Variants in MADD observed in about 807,000 individuals in gnomAD.
The protein encoded by MADD is MAP kinase activating death domain.
In MADD, 109 loss-of-function variants were observed where a neutral mutation model predicts 176.7. The observed-to-expected ratio is 0.62, with a 90% CI of 0.53 to 0.72. The LOEUF (loss-of-function observed/expected upper bound fraction) is 0.72, where lower values mean the gene tolerates loss of function less well. Ranked by LOEUF, MADD falls within the 30% of genes least tolerant of loss-of-function variation. The pLI is 0.00. For missense variants in MADD, 1,914 were observed against 2,045.5 expected, an observed-to-expected ratio of 0.94 and a Z score of 1.24; for synonymous variants, 771 against 771.3, an observed-to-expected ratio of 1.00 and a Z score of 0.01.
intron 27 of MADD, among the ~76,000 whole-genome samples, chr11:47,323,331 G>A (rs931737206): frequency 1.3e-5 from 2 of 151,490 alleles, no homozygotes; most frequent in South Asian, 2.1e-4. Context: ...CTGGCTGGTC[G>A]AGGCTGCAGT....
At chr11:47,279,621 C>T (rs1043759391) in intron 7 of MADD, among the ~76,000 whole-genome samples, 7 of 151,752 alleles carry the variant, frequency 4.6e-5, no homozygotes, top group African/African-American at 1.2e-4. Context: ...CCTCATGATC[C>T]GCCTGCCTCA....
At chr11:47,295,373 G>T in intron 20 of MADD, 123 bp from the exon 23 acceptor site, 1 of 726,410 alleles carries the variant, frequency 1.4e-6, no homozygotes, top group South Asian at 1.8e-5. Context: ...AAAGTTGCTC[G>T]TGACTTCTCT....
intron 9 of MADD, 46 bp downstream of exon 9, chr11:47,282,662 C>T (rs1350564667): frequency 1.2e-6 from 2 of 1,600,172 alleles, no homozygotes; most frequent in South Asian, 1.1e-5. Context: ...TGCCTCTGTC[C>T]TCCTGATGGA....
At chr11:47,327,547 G>C in intron 31 of MADD, 1 of 985,286 alleles carries the variant, frequency 1.0e-6, no homozygotes. Flanking sequence ...CTGCCAGCTC[G>C]TCTCTTCCTT....
At chr11:47,278,884 G>A (rs1243210416) in intron 6 of MADD, 115 bp from the exon 7 acceptor site, 1 of 756,338 alleles carries the variant, frequency 1.3e-6, no homozygotes, top group Non-Finnish European at 2.2e-6. Context: ...GTTATATAAT[G>A]TATATTCGTT....
chr11:47,316,727 C>T (rs569826154), intron 27 of MADD, among the ~76,000 whole-genome samples: 1 of 151,972 alleles, frequency 6.6e-6, no homozygotes, highest in South Asian at 2.1e-4. Flanking sequence ...AATATGAACA[C>T]AAATTCTTAT....
chr11:47,322,654 A>G (rs985271499), intron 27 of MADD, among the ~76,000 whole-genome samples: 5 of 152,188 alleles, frequency 3.3e-5, no homozygotes, highest in Non-Finnish European at 4.4e-5. Flanking sequence ...AATGTTGAAC[A>G]AGAAGGTGTC....
At chr11:47,312,622 G>C (rs1381287919) in intron 26 of MADD, among the ~76,000 whole-genome samples, 1 of 152,178 alleles carries the variant, frequency 6.6e-6, no homozygotes, top group African/African-American at 2.4e-5. Flanking sequence ...TTTCAGTAGA[G>C]ATGGGCATTC....
At chr11:47,289,139 C>T (rs2063140822) in intron 15 of MADD, 112 bp downstream of exon 16, 2 of 1,107,856 alleles carry the variant, frequency 1.8e-6, no homozygotes, top group South Asian at 1.5e-5. Context: ...GAGTGACCTG[C>T]TTGCCCCGTC....
At chr11:47,293,111 G>T (rs1399244339) in intron 19 of MADD, among the ~76,000 whole-genome samples, 1 of 152,076 alleles carries the variant, frequency 6.6e-6, no homozygotes, top group Non-Finnish European at 1.5e-5. Context: ...TTGTAGGATG[G>T]AGGTAGGCAG....
intron 1 of MADD, chr11:47,272,243 C>G (rs898800674): frequency 6.6e-6 from 1 of 152,024 alleles, no homozygotes; most frequent in African/African-American, 2.4e-5. Context: ...GCCAGAGTCG[C>G]TATAGAGATA....
At chr11:47,290,260 G>A in exon 18 of MADD, 1 of 1,614,096 alleles carries the variant, frequency 6.2e-7, no homozygotes, top group Non-Finnish European at 8.5e-7. Context: ...CAGCATCTTT[G>A]GGCTTTTGGA....
At chr11:47,327,627 G>A in intron 31 of MADD, 1 of 985,320 alleles carries the variant, frequency 1.0e-6, no homozygotes, top group Non-Finnish European at 1.2e-6. Context: ...TCCTCCCCGT[G>A]TGTTCCCTTC....
At chr11:47,280,738 T>A (rs1412676101) in intron 7 of MADD, among the ~76,000 whole-genome samples, 1 of 152,150 alleles carries the variant, frequency 6.6e-6, no homozygotes, top group East Asian at 1.9e-4. Context: ...CTAATTTGTT[T>A]GTATTTTTAG....
intron 31 of MADD, 142 bp downstream of exon 35, chr11:47,326,949 G>T: frequency 6.9e-7 from 1 of 1,448,218 alleles, no homozygotes; most frequent in Non-Finnish European, 9.1e-7. Flanking sequence ...AGGAAGAAAA[G>T]GGACCCCTGA....
At position 47,275,886 on chromosome 11, in the gene MADD, G is replaced by C; in HGVS notation, c.660-13G>C. The C allele has an allele frequency of 6.3e-7, 1 of 1,596,874 alleles. No individual in the cohort carries two copies. Among genetic ancestry groups the C allele is most frequent in the Non-Finnish European group, 8.6e-7 (1 of 1,167,316 alleles). On this transcript the variant is annotated splice_polypyrimidine_tract_variant and intron_variant, in intron 3 of 32. Coordinates refer to ENST00000402192, the Ensembl canonical transcript of MADD. ...GATGCTAATGTGTCTGATTCCTGCT[G>C]TCTGCTTCTCAGGGACACCATGTGG...
chr11:47,327,649 A>G, intron 31 of MADD: 2 of 985,296 alleles, frequency 2.0e-6, no homozygotes, highest in Non-Finnish European at 2.4e-6. Context: ...CTCTTCTGTC[A>G]GAGAGATACT....
intron 22 of MADD, among the ~76,000 whole-genome samples, chr11:47,297,827 C>T (rs2066756024): frequency 7.6e-6 from 1 of 131,392 alleles, no homozygotes; most frequent in African/African-American, 3.0e-5. Flanking sequence ...CTTGCTCTGT[C>T]GCCCAGGCTG....
chr11:47,276,052 C>G, exon 4 of MADD: 1 of 1,614,202 alleles, frequency 6.2e-7, no homozygotes, highest in Non-Finnish European at 8.5e-7. Context: ...ACATCGAGGT[C>G]CTACCCCAAG....
Sources: gnomAD v4.1 joint callset for allele counts (sites outside exome capture counted in the v4.1 genomes callset) on GRCh38, gnomAD v4.1.1 for gene constraint, MANE v1.5 for transcripts, NCBI Gene and HGNC (gene_info 2026-07-23, HGNC 2026-07-21) for gene names.